USP35: variants seen among roughly 807,000 people sequenced by gnomAD.
USP35 encodes the protein ubiquitin specific peptidase 35, also known as ubiquitin carboxyl-terminal hydrolase 35.
In USP35, 69 loss-of-function variants were observed where a neutral mutation model predicts 83.8. The ratio of observed to expected loss-of-function variants is 0.82; its 90% CI spans 0.68 to 1.01. USP35 has a LOEUF of 1.01. Ranked by LOEUF, USP35 falls within the 50% of genes least tolerant of loss-of-function variation. The pLI is 0.00. For synonymous variants in USP35, 714 were observed against 589.5 expected (o/e 1.21, Z -3.06); for missense variants, 1,503 against 1,362.5 (o/e 1.10, Z -1.62).
chr11:78,210,276 A>G lies in USP35; in HGVS notation c.2421A>G (p.Thr807=), dbSNP rs915080254. Residue 807 remains threonine, a synonymous_variant, in exon 10 of 11, where the codon ACA becomes ACG. Coordinates refer to ENST00000529308, the MANE Select transcript of USP35 (RefSeq NM_020798.4). ...AAGGGCCGTGCTACCTCATCCTCACACTGCTGCGCTTCTCTTTCGACCTGC... is the reference window on the plus strand; with the variant it reads ...AAGGGCCGTGCTACCTCATCCTCACGCTGCTGCGCTTCTCTTTCGACCTGC... ...LSQGPCYLIL[T]LLRFSFDLRT... The G allele has an allele frequency of 3.7e-6, 6 of 1,613,950 alleles. No individual in the cohort carries two copies. The highest frequency in any genetic ancestry group is 1.3e-5 in the African/African-American group (1 of 74,900).
At chr11:78,223,397 A>T in the USP35 span, 54 of 1,504,986 alleles carry the variant, frequency 3.6e-5, no homozygotes, top group Non-Finnish European at 4.7e-5. Context: ...GGGACAGGGG[A>T]AAGAATGGAC....
chr11:78,209,508 G>C lies in USP35; in HGVS notation c.1653G>C (p.Ser551=). The C allele has an allele frequency of 1.2e-6, 2 of 1,613,982 alleles. No individual in the cohort carries two copies. Among genetic ancestry groups the C allele is most frequent in the Non-Finnish European group, 1.7e-6 (2 of 1,179,942 alleles). ...RICQKLKQSS[S]PSPPEEPPAP... ...GCCAGAAACTCAAGCAGTCCAGCTC[G>C]CCCTCTCCGCCCGAGGAGCCCCCGG... Residue 551 remains serine (S), a synonymous_variant, in exon 10 of 11, where the codon TCG becomes TCC. Transcript: ENST00000529308.
the USP35 span, chr11:78,227,180 T>C: frequency 4.6e-6 from 3 of 655,512 alleles, no homozygotes; most frequent in African/African-American, 3.6e-5. Flanking sequence ...AAGCATATTT[T>C]GAAGGTTGTT....
chr11:78,234,761 T>C, the USP35 span, among the ~76,000 whole-genome samples: 28,374 of 151,848 alleles, frequency 0.19, 2,958 homozygotes, highest in East Asian at 0.39. Flanking sequence ...ATTCTTGAAA[T>C]CAAGTAATAT....
intron 1 of USP35, among the ~76,000 whole-genome samples, chr11:78,194,677 G>A (rs1398659565): frequency 3.3e-5 from 5 of 152,180 alleles, no homozygotes; most frequent in Non-Finnish European, 5.9e-5. Context: ...CAGGCCAGGT[G>A]GAGGAGAAGG....
chr11:78,220,420 C>T, the USP35 span: 27 of 1,587,228 alleles, frequency 1.7e-5, no homozygotes, highest in Middle Eastern at 1.7e-4. Context: ...CCACTGGGAA[C>T]GGGAGATGCA....
At chr11:78,198,952 T>A (rs1565395976) in intron 3 of USP35, 1 of 154,032 alleles carries the variant, frequency 6.5e-6, no homozygotes. Flanking sequence ...GCTGTCATGG[T>A]TTTGTCTTTT....
In USP35 at chr11:78,200,979, C is replaced by G. The variant is rs150910301; in HGVS notation, c.1197+171C>G. 2.6e-5 allele frequency among the ~76,000 whole-genome samples: 4 copies of G among 152,372 alleles called. No individual in the cohort carries two copies. The South Asian group carries it at 8.3e-4, about 32-fold the overall frequency. On this transcript the variant is annotated intron_variant, in intron 6 of 10. Coordinates refer to ENST00000529308, the MANE Select transcript of USP35 (RefSeq NM_020798.4). The stretch of plus-strand genomic sequence containing the variant: ...TGCCTCAAGCACACTGAGCCACTCA[C>G]GTTCCCCAAGTAGGCTGGGCTGCCT...
At chr11:78,191,112 C>T (rs954207869) in intron 1 of USP35, among the ~76,000 whole-genome samples, 5 of 152,100 alleles carry the variant, frequency 3.3e-5, no homozygotes, top group Non-Finnish European at 5.9e-5. Flanking sequence ...GAAGCTTGAG[C>T]GGGGGCCCAG....
At chr11:78,198,132 C>T in intron 3 of USP35, 64 bp downstream of exon 3, 1 of 1,604,402 alleles carries the variant, frequency 6.2e-7, no homozygotes, top group East Asian at 2.2e-5. Flanking sequence ...TCTCAGAAGC[C>T]CCTTCTCCTG....
intron 1 of USP35, among the ~76,000 whole-genome samples, chr11:78,193,293 A>C (rs79023139): frequency 0.092 from 13,960 of 151,924 alleles, 767 homozygotes; most frequent in East Asian, 0.26. Context: ...TCCCAAGCTC[A>C]AGTGAGCCTC....
rs1308359469 is a variant in USP35, at chr11:78,209,444, C to A, written c.1593-4C>A. On this transcript the variant is annotated splice_polypyrimidine_tract_variant and splice_region_variant and intron_variant, in intron 9 of 10. Coordinates refer to ENST00000529308, the MANE Select transcript of USP35 (RefSeq NM_020798.4). ...ATGTAGTGACTCTGTGCTCTCTGCCCCAGGCTGCACGAAGAGGAGAAAACG... is the reference window on the plus strand; with the variant it reads ...ATGTAGTGACTCTGTGCTCTCTGCCACAGGCTGCACGAAGAGGAGAAAACG... The A allele has an allele frequency of 2.5e-6, 4 of 1,593,762 alleles. No individual in the cohort carries two copies. The highest frequency in any genetic ancestry group is 1.7e-4 in the Middle Eastern group (1 of 5,960).
Position 78,213,626 on chromosome 11 carries a change from C to T in USP35, c.2890-20C>T. On this transcript the variant is annotated intron_variant, in intron 10 of 10. Transcript: ENST00000529308. Reference sequence around the variant, plus strand: ...GGGTGTGAATTCTAAGTCTAAGTCTCCTCTCATCTGTGTTCCCAGGAGCAG... The same window carrying T: ...GGGTGTGAATTCTAAGTCTAAGTCTTCTCTCATCTGTGTTCCCAGGAGCAG... The T allele has an allele frequency of 6.8e-7, 1 of 1,463,444 alleles. No homozygotes were observed. Among genetic ancestry groups the T allele is most frequent in the African/African-American group, 1.5e-5 (1 of 67,562 alleles). The allele number at this position is 1,463,444 out of a possible 1,614,324, so 90.7% of individuals were successfully genotyped here.
downstream of USP35, chr11:78,217,591 G>A (rs1453244646): frequency 6.6e-6 from 1 of 152,128 alleles, no homozygotes; most frequent in Admixed American, 6.5e-5. Flanking sequence ...TGAAACGTCT[G>A]GTCTGTCCTG....
At chr11:78,226,674 T>A in the USP35 span, 1 of 1,614,036 alleles carries the variant, frequency 6.2e-7, no homozygotes, top group Admixed American at 1.7e-5. Context: ...GTGGTTTTTG[T>A]CCAGAGTGAA....
At position 78,197,243 on chromosome 11, in the gene USP35, G is replaced by C. The variant is rs558259309; in HGVS notation, c.673+325G>C. Reference sequence around the variant, plus strand: ...AGGATTTGGGGCGGGGGAGGTGGGGGGGGGGGTCATTATGGTCTTCGGGTC... The same window carrying C: ...AGGATTTGGGGCGGGGGAGGTGGGGCGGGGGGTCATTATGGTCTTCGGGTC... On this transcript the variant is annotated intron_variant, in intron 2 of 10. Transcript: ENST00000529308. Among the ~76,000 whole-genome samples, 18 of 149,928 alleles carry C rather than the reference G, an allele frequency of 1.2e-4. No individual in the cohort carries two copies. The East Asian group carries it at 3.7e-3, about 30-fold the overall frequency.
Position 78,196,782 on chromosome 11 carries a change from C to G in USP35, c.537C>G (p.Ala179=). 2.0e-6 allele frequency: 3 copies of G among 1,533,788 alleles called. No homozygotes were observed. The highest frequency in any genetic ancestry group is 1.4e-5 in the African/African-American group (1 of 72,940). Residue 179 remains alanine (A), a synonymous_variant, in exon 2 of 11, where the codon GCC becomes GCG. Transcript: ENST00000529308. The surrounding 1 kb of genome is among the most constrained non-coding windows in gnomAD (Gnocchi z 4.8). ...VRCLGRFRCP[A]EGEEGAVEFL... ...GCCTCGGCCGCTTCCGCTGCCCAGCCGAAGGCGAGGAGGGCGCCGTGGAGT... is the reference window on the plus strand; with the variant it reads ...GCCTCGGCCGCTTCCGCTGCCCAGCGGAAGGCGAGGAGGGCGCCGTGGAGT...
chr11:78,213,648 G>A lies in USP35; in HGVS notation c.2892G>A (p.Glu964=). The change falls in exon 11 of 11, where the codon GAG becomes GAA. Residue 964 remains glutamate, a splice_region_variant and synonymous_variant. Transcript: ENST00000529308. The stretch of plus-strand genomic sequence containing the variant: ...TCTCCTCTCATCTGTGTTCCCAGGA[G>A]CAGGAGAAGGAGGCCCGGAGCAGGG... ...ISKDNILYLQ[E]QEKEARSRAA... 6.7e-7 allele frequency: 1 copy of A among 1,486,174 alleles called. No homozygotes were observed. The highest frequency in any genetic ancestry group is 8.9e-7 in the Non-Finnish European group (1 of 1,124,058). 92.1% of individuals were successfully genotyped at this position (1,486,174 alleles called of 1,614,324 possible).
intron 6 of USP35, among the ~76,000 whole-genome samples, chr11:78,203,921 C>T (rs1223692901): frequency 8.8e-5 from 10 of 113,002 alleles, no homozygotes; most frequent in African/African-American, 1.5e-4. Flanking sequence ...GACGGAGTCT[C>T]GCTCTGTCGT....
Sources: allele counts gnomAD v4.1 joint callset (sites outside exome capture counted in the v4.1 genomes callset), GRCh38; gene constraint gnomAD v4.1.1; non-coding constraint Gnocchi (gnomAD v3.1); transcripts MANE v1.5; gene names NCBI Gene and HGNC (gene_info 2026-07-23, HGNC 2026-07-21).